The following THSD7B variants were observed in gnomAD, a reference collection of about 807,000 sequenced individuals.
The protein encoded by THSD7B is thrombospondin type 1 domain containing 7B, also known as thrombospondin type-1 domain-containing protein 7B.
A neutral mutation model predicts 213.6 loss-of-function variants in THSD7B; 138 were observed. The ratio of observed to expected loss-of-function variants is 0.65; its 90% confidence interval spans 0.56 to 0.74. The LOEUF is 0.74. Ranked by LOEUF, THSD7B falls within the 30% of genes least tolerant of loss-of-function variation. THSD7B has a pLI of 0.00. For missense variants in THSD7B, 1,931 were observed against 1,991.5 expected (o/e 0.97, Z 0.58); for synonymous variants, 742 against 687.0 (o/e 1.08, Z -1.25).
Position 136,882,237 on chromosome 2 carries a change from T to C in THSD7B, c.59T>C (p.Leu20Pro). 3 of 1,545,284 alleles carry C rather than the reference T, an allele frequency of 1.9e-6. 1 individual carries two copies. The highest frequency in any genetic ancestry group is 2.4e-5 in the South Asian group (2 of 83,082). Reference protein sequence around the residue: ...TCWVWRSMRKLFLLLSLLLSH... With the variant: ...TCWVWRSMRKPFLLLSLLLSH... ...TGGGTATGGAGGAGCATGAGGAAGC[T>C]CTTTCTATTGCTTTCTCTCTTGCTG... Residue 20 changes from leucine (L) to proline (P), a missense_variant, in exon 2 of 28, where the codon CTC (leucine) becomes CCC (proline). Leu to Pro is a moderately conservative substitution (Grantham distance 98). Transcript: ENST00000409968.
chr2:137,643,871 T>C (rs1036833355), intron 21 of THSD7B, among the ~76,000 whole-genome samples: 4 of 152,222 alleles, frequency 2.6e-5, no homozygotes, highest in Non-Finnish European at 5.9e-5. Flanking sequence ...CAACTACTAC[T>C]GTACCTTACC....
chr2:137,126,062 A>G (rs929781809), intron 5 of THSD7B, among the ~76,000 whole-genome samples: 1 of 152,198 alleles, frequency 6.6e-6, no homozygotes, highest in Non-Finnish European at 1.5e-5. Context: ...ATAGAGCACA[A>G]GAAAAATAGA....
intron 2 of THSD7B, among the ~76,000 whole-genome samples, chr2:136,896,909 C>A (rs1216663457): frequency 6.6e-6 from 1 of 151,760 alleles, no homozygotes; most frequent in Admixed American, 6.6e-5. Flanking sequence ...ATAGTCTATA[C>A]ATAATCCTTA....
intron 15 of THSD7B, among the ~76,000 whole-genome samples, chr2:137,532,617 TA>T (rs373617877): frequency 7.3e-4 from 111 of 151,938 alleles, no homozygotes; most frequent in African/African-American, 2.3e-3. Context: ...GGAATAGAGA[TA>T]AAACATGTTA....
intron 7 of THSD7B, among the ~76,000 whole-genome samples, chr2:137,177,751 G>A (rs1281086196): frequency 8.5e-5 from 13 of 152,218 alleles, no homozygotes; most frequent in Non-Finnish European, 4.4e-5. Context: ...GTCTTACAAG[G>A]CATGTCTTAC....
In THSD7B at chr2:136,882,297, A is replaced by G. The variant is rs746741713; in HGVS notation, c.119A>G (p.Asn40Ser). 6.5e-7 allele frequency: 1 copy of G among 1,537,688 alleles called. No individual in the cohort carries two copies. Among genetic ancestry groups the G allele is most frequent in the Non-Finnish European group, 8.8e-7 (1 of 1,141,866 alleles). The change falls in exon 2 of 28, where the codon AAT becomes AGT. Residue 40 changes from asparagine (N) to serine (S), a missense_variant. Asn to Ser is a conservative substitution (Grantham distance 46, BLOSUM62 1). Coordinates refer to ENST00000409968, the MANE Select transcript of THSD7B (RefSeq NM_001316349.2). ...GCTCATTTGGAAGGCAAAAAGGATA[A>G]TCAGTTCATCTGGAAACCAGGTAGG... ...HAAHLEGKKD[N>S]QFIWKPGPWG...
At chr2:137,498,538 G>A (rs781267019) in intron 15 of THSD7B, among the ~76,000 whole-genome samples, 4 of 151,976 alleles carry the variant, frequency 2.6e-5, no homozygotes, top group Non-Finnish European at 4.4e-5. Context: ...CCTAACCTAA[G>A]CTTCAGAGTC....
At chr2:137,540,633 A>C (rs1170031190) in intron 15 of THSD7B, among the ~76,000 whole-genome samples, 1 of 151,726 alleles carries the variant, frequency 6.6e-6, no homozygotes, top group East Asian at 1.9e-4. Context: ...TCACACAGCT[A>C]TCTTTGTTTG....
chr2:137,342,022 A>G (rs908841466), intron 12 of THSD7B, among the ~76,000 whole-genome samples: 1 of 151,580 alleles, frequency 6.6e-6, no homozygotes, highest in African/African-American at 2.4e-5. Flanking sequence ...TTCTATGCCT[A>G]TATGAAATGA....
At chr2:137,161,432 C>T (rs1209706654) in intron 6 of THSD7B, among the ~76,000 whole-genome samples, 2 of 152,124 alleles carry the variant, frequency 1.3e-5, no homozygotes, top group Admixed American at 6.5e-5. Context: ...TACCTAGCAC[C>T]CTGCTCACTG....
At chr2:137,472,944 A>C (rs1441550554) in intron 15 of THSD7B, among the ~76,000 whole-genome samples, 4 of 152,172 alleles carry the variant, frequency 2.6e-5, no homozygotes, top group African/African-American at 9.6e-5. Flanking sequence ...ATCAAAAATC[A>C]TACTCATTAA....
chr2:137,532,725 G>A (rs377584780), intron 15 of THSD7B, among the ~76,000 whole-genome samples: 1 of 151,614 alleles, frequency 6.6e-6, no homozygotes, highest in Admixed American at 6.6e-5. Context: ...GTTGTAATCT[G>A]CAGGGCTTTA....
chr2:137,252,619 G>A (rs1057303727), intron 10 of THSD7B, among the ~76,000 whole-genome samples: 1 of 152,166 alleles, frequency 6.6e-6, no homozygotes, highest in Non-Finnish European at 1.5e-5. Context: ...ATACTTTTGT[G>A]CCAGGTCCCT....
intron 2 of THSD7B, among the ~76,000 whole-genome samples, chr2:136,889,481 C>A (rs904792312): frequency 6.6e-6 from 1 of 152,182 alleles, no homozygotes; most frequent in Admixed American, 6.6e-5. Flanking sequence ...CAGAATAGTT[C>A]TATCAAAATA....
intron 2 of THSD7B, among the ~76,000 whole-genome samples, chr2:137,046,730 C>T (rs1347096633): frequency 4.5e-5 from 2 of 44,312 alleles, no homozygotes; most frequent in Non-Finnish European, 9.3e-5. Context: ...AACTCCGTCT[C>T]AAAAAAAAAA....
At chr2:137,618,961 G>T (rs1682462208) in intron 19 of THSD7B, among the ~76,000 whole-genome samples, 1 of 152,188 alleles carries the variant, frequency 6.6e-6, no homozygotes, top group Non-Finnish European at 1.5e-5. Context: ...AAATAGCAGA[G>T]ATTTTTCTTT....
At position 137,618,447 on chromosome 2, in the gene THSD7B, C is replaced by A. The variant is rs1310892904; in HGVS notation, c.3621C>A (p.Thr1207=). The change falls in exon 19 of 28, where the codon ACC becomes ACA. Residue 1207 remains threonine (T), a synonymous_variant. Coordinates refer to ENST00000409968, the MANE Select transcript of THSD7B (RefSeq NM_001316349.2). The part of the protein sequence containing the change: ...ENAPCGQGVR[T]RLLSCVCSDG... The stretch of plus-strand genomic sequence containing the variant: ...CACCCTGTGGTCAAGGCGTCAGGAC[C>A]CGCCTGCTAAGCTGTGTGTGCAGTG... The A allele has an allele frequency of 1.9e-6, 3 of 1,613,910 alleles. No homozygotes were observed. Among genetic ancestry groups the A allele is most frequent in the African/African-American group, 1.3e-5 (1 of 75,066 alleles).
chr2:137,362,354 T>G (rs1456554783), intron 12 of THSD7B, among the ~76,000 whole-genome samples: 3 of 152,184 alleles, frequency 2.0e-5, no homozygotes, highest in East Asian at 3.8e-4. Flanking sequence ...GCTAACATCA[T>G]AATGATGGGA....
At chr2:137,573,390 T>C (rs1681397042) in intron 17 of THSD7B, among the ~76,000 whole-genome samples, 1 of 152,144 alleles carries the variant, frequency 6.6e-6, no homozygotes, top group African/African-American at 2.4e-5. Flanking sequence ...TTAAAATCAG[T>C]TAATATCGTA....
Sources: allele counts gnomAD v4.1 joint callset (sites outside exome capture counted in the v4.1 genomes callset), GRCh38; gene constraint gnomAD v4.1.1; transcripts MANE v1.5; gene names NCBI Gene and HGNC (gene_info 2026-07-23, HGNC 2026-07-21).